MYO9B: variants seen among roughly 807,000 people sequenced by gnomAD.
MYO9B encodes the protein myosin IXB.
In MYO9B, 71 loss-of-function variants were observed where a neutral mutation model predicts 229.5. That is an observed-to-expected ratio of 0.31 (90% CI 0.26 to 0.38). MYO9B has a LOEUF of 0.38. MYO9B is among the 10% of genes least tolerant of loss of function. MYO9B has a pLI of 1.00. For missense variants in MYO9B, 2,255 were observed against 2,920.5 expected, an observed-to-expected ratio of 0.77 and a Z score of 5.25; for synonymous variants, 1,185 against 1,235.8, an observed-to-expected ratio of 0.96 and a Z score of 0.86.
At chr19:17,208,873 T>G (rs948557815) in intron 35 of MYO9B, among the ~76,000 whole-genome samples, 5 of 151,750 alleles carry the variant, frequency 3.3e-5, no homozygotes, top group Non-Finnish European at 7.4e-5. Context: ...ACTGAGTCCC[T>G]CTGGTACTGA....
chr19:17,129,615 C>T (rs1230495568), intron 2 of MYO9B, among the ~76,000 whole-genome samples: 4 of 152,252 alleles, frequency 2.6e-5, no homozygotes, highest in Admixed American at 2.6e-4. Context: ...TGAGGGAGGG[C>T]GGCAGACCTT....
intron 2 of MYO9B, among the ~76,000 whole-genome samples, chr19:17,140,463 C>T (rs1485590604): frequency 6.6e-6 from 1 of 150,860 alleles, no homozygotes; most frequent in Non-Finnish European, 1.5e-5. Flanking sequence ...AAGACCTCAC[C>T]TCCTCAACCT....
At chr19:17,145,017 A>G (rs1171875951) in intron 2 of MYO9B, among the ~76,000 whole-genome samples, 1 of 151,138 alleles carries the variant, frequency 6.6e-6, no homozygotes, top group Non-Finnish European at 1.5e-5. Context: ...GAGACTGGGC[A>G]CAGTGACTCA....
At chr19:17,198,938 C>T (rs891259429) in intron 24 of MYO9B, among the ~76,000 whole-genome samples, 1 of 152,030 alleles carries the variant, frequency 6.6e-6, no homozygotes, top group Admixed American at 6.6e-5. Flanking sequence ...CAGTAGGTCA[C>T]GCCTGTAATC....
At chr19:17,087,695 C>T (rs572510652) in intron 1 of MYO9B, among the ~76,000 whole-genome samples, 7 of 151,590 alleles carry the variant, frequency 4.6e-5, no homozygotes, top group Non-Finnish European at 8.8e-5. Context: ...TTTGGGAGGC[C>T]GAGGCGGGTG....
chr19:17,127,484 A>T (rs997805985), intron 2 of MYO9B, among the ~76,000 whole-genome samples: 1 of 144,868 alleles, frequency 6.9e-6, no homozygotes, highest in African/African-American at 2.6e-5. Flanking sequence ...CCACCACCAC[A>T]CCCGGCTAAT....
intron 3 of MYO9B, among the ~76,000 whole-genome samples, chr19:17,150,355 C>G (rs1041985233): frequency 1.3e-5 from 2 of 152,042 alleles, no homozygotes; most frequent in African/African-American, 4.8e-5. Context: ...TTGCAGTGAT[C>G]CCAGATCATG....
At chr19:17,135,068 C>A (rs1389188957) in intron 2 of MYO9B, among the ~76,000 whole-genome samples, 1 of 152,114 alleles carries the variant, frequency 6.6e-6, no homozygotes, top group Non-Finnish European at 1.5e-5. Context: ...CCAGCCTATT[C>A]ATTCATCTGT....
At chr19:17,186,997 G>C (rs1409008764) in intron 18 of MYO9B, among the ~76,000 whole-genome samples, 2 of 152,028 alleles carry the variant, frequency 1.3e-5, no homozygotes, top group African/African-American at 4.8e-5. Context: ...CAAAGTGCTG[G>C]GATTACAAGC....
In MYO9B at chr19:17,207,158, G is replaced by C. The variant is rs999714936; in HGVS notation, c.5538G>C (p.Leu1846=). ...EDVNRMSPGA[L]AIIFAPCLLR... ...TCAACCGCATGTCACCTGGGGCGCT[G>C]GCCATTATCTTCGCACCCTGCCTCC... The change falls in exon 35 of 40, where the codon CTG becomes CTC. Residue 1846 remains leucine, a synonymous_variant. Coordinates refer to ENST00000682292, the MANE Select transcript of MYO9B (RefSeq NM_004145.4). 1 of 1,608,828 alleles carries C rather than the reference G, an allele frequency of 6.2e-7. No homozygotes were observed. The highest frequency in any genetic ancestry group is 8.5e-7 in the Non-Finnish European group (1 of 1,178,388).
intron 14 of MYO9B, chr19:17,177,913 C>T (rs568323195): frequency 3.3e-5 from 5 of 152,704 alleles, no homozygotes; most frequent in African/African-American, 7.2e-5. Flanking sequence ...CCTTTGATCC[C>T]GAGGCCAGCA....
At chr19:17,118,135 C>T (rs2057924573) in intron 2 of MYO9B, among the ~76,000 whole-genome samples, 1 of 151,774 alleles carries the variant, frequency 6.6e-6, no homozygotes, top group Non-Finnish European at 1.5e-5. Context: ...TGCTAAACAC[C>T]CCACAGTGTA....
At chr19:17,209,255 C>T (rs1261018293) in intron 35 of MYO9B, among the ~76,000 whole-genome samples, 7 of 152,236 alleles carry the variant, frequency 4.6e-5, no homozygotes, top group Admixed American at 4.6e-4. Flanking sequence ...CCCCTGGGGC[C>T]ATCTGCCTAT....
chr19:17,152,427 C>T (rs1462364201), intron 3 of MYO9B, among the ~76,000 whole-genome samples: 1 of 144,968 alleles, frequency 6.9e-6, no homozygotes, highest in East Asian at 2.0e-4. Flanking sequence ...TGGGGGTTGG[C>T]ACACCCCTGT....
chr19:17,077,141 T>C (rs1423752716), intron 1 of MYO9B, among the ~76,000 whole-genome samples: 1 of 152,194 alleles, frequency 6.6e-6, no homozygotes, highest in Non-Finnish European at 1.5e-5. Flanking sequence ...AGGAAAGTTA[T>C]TCACATCTGA....
At chr19:17,179,930 T>A (rs1451076757) in intron 14 of MYO9B, among the ~76,000 whole-genome samples, 1 of 149,268 alleles carries the variant, frequency 6.7e-6, no homozygotes, top group African/African-American at 2.5e-5. Flanking sequence ...TAAAAATAAA[T>A]TTAAAACTAA....
At chr19:17,141,793 G>A (rs1353936169) in intron 2 of MYO9B, among the ~76,000 whole-genome samples, 2 of 152,208 alleles carry the variant, frequency 1.3e-5, no homozygotes, top group African/African-American at 2.4e-5. Context: ...AGGCCCCAGA[G>A]GGGACCCCTG....
chr19:17,200,299 G>T lies in MYO9B; in HGVS notation c.4245G>T (p.Thr1415=). The T allele has an allele frequency of 6.2e-7, 1 of 1,609,502 alleles. No individual in the cohort carries two copies. Among genetic ancestry groups the T allele is most frequent in the Non-Finnish European group, 8.5e-7 (1 of 1,178,784 alleles). ...CACGTACTTTCTCCTGCAGATCCAC[G>T]TTTAAGAGGCTTTTTCTGCATAAAA... ...SPGSQVDSKS[T]FKRLFLHKTK... The change falls in exon 25 of 40, where the codon ACG becomes ACT. Residue 1415 remains threonine, a synonymous_variant. Transcript: ENST00000682292.
chr19:17,195,261 A>G lies in MYO9B; in HGVS notation c.3834A>G (p.Pro1278=), dbSNP rs746367758. 5.6e-6 allele frequency: 9 copies of G among 1,612,100 alleles called. No individual in the cohort carries two copies. Among genetic ancestry groups the G allele is most frequent in the Non-Finnish European group, 7.6e-6 (9 of 1,179,638 alleles). The change falls in exon 22 of 40, where the codon CCA becomes CCG. Residue 1278 remains proline, a synonymous_variant. Transcript: ENST00000682292. This position sits in a 1 kb window ranked among gnomAD's most constrained non-coding sequence, Gnocchi z 4.5. Reference sequence around the variant, plus strand: ...AGACCCCCGAGGACAAGAGCAAACCATGTGGCAGCCCAAGGGTTCAGGAAA... The same window carrying G: ...AGACCCCCGAGGACAAGAGCAAACCGTGTGGCAGCCCAAGGGTTCAGGAAA... The part of the protein sequence containing the change: ...APETPEDKSK[P]CGSPRVQEKP...
Sources: gnomAD v4.1 joint callset for allele counts (sites outside exome capture counted in the v4.1 genomes callset) on GRCh38, gnomAD v4.1.1 for gene constraint, Gnocchi (gnomAD v3.1) non-coding constraint, MANE v1.5 for transcripts, NCBI Gene and HGNC (gene_info 2026-07-23, HGNC 2026-07-21) for gene names.